CDS2: variants seen among roughly 807,000 people sequenced by gnomAD.
CDS2 encodes phosphatidate cytidylyltransferase 2.
In CDS2, 47 loss-of-function variants were observed where a neutral mutation model predicts 59.0. The ratio of observed to expected loss-of-function variants is 0.80; its 90% CI spans 0.63 to 1.02. CDS2 has a LOEUF of 1.02. Ranked by LOEUF, CDS2 falls within the 50% of genes least tolerant of loss-of-function variation. CDS2 has a pLI of 0.00. For synonymous variants in CDS2, 207 were observed against 206.4 expected (o/e 1.00, Z -0.02); for missense variants, 356 against 558.9 (o/e 0.64, Z 3.66).
intron 9 of CDS2, among the ~76,000 whole-genome samples, chr20:5,186,302 C>T (rs1249296104): frequency 6.6e-6 from 1 of 152,152 alleles, no homozygotes; most frequent in Non-Finnish European, 1.5e-5. Flanking sequence ...CTTGTTCCTC[C>T]TGAGATCTGC....
At chr20:5,146,511 C>T (rs530846551) in intron 1 of CDS2, among the ~76,000 whole-genome samples, 3 of 152,294 alleles carry the variant, frequency 2.0e-5, no homozygotes, top group South Asian at 2.1e-4. Context: ...GTGCTTCCCA[C>T]GGTGGCCCAG....
intron 1 of CDS2, among the ~76,000 whole-genome samples, chr20:5,147,673 G>A (rs373392541): frequency 4.9e-4 from 74 of 152,074 alleles, no homozygotes; most frequent in African/African-American, 1.6e-3. Flanking sequence ...CAAAGTGCTG[G>A]AATTACAGGT....
rs779812337 is a variant in CDS2 at position 5,183,158 on chromosome 20, T to C, written c.671+15T>C. The C allele has an allele frequency of 6.2e-7, 1 of 1,608,026 alleles. No homozygotes were observed. The highest frequency in any genetic ancestry group is 8.5e-7 in the Non-Finnish European group (1 of 1,174,544). ...GGAATGATCTGGTGAGAATTGGGAGTTGGATTTTCCCTTTTATTTTGTGAG... is the reference window on the plus strand; with the variant it reads ...GGAATGATCTGGTGAGAATTGGGAGCTGGATTTTCCCTTTTATTTTGTGAG... On this transcript the variant is annotated intron_variant, in intron 7 of 12. Coordinates refer to ENST00000460006, the MANE Select transcript of CDS2 (RefSeq NM_003818.4).
chr20:5,129,499 A>G (rs1200835853), intron 1 of CDS2, among the ~76,000 whole-genome samples: 1 of 149,690 alleles, frequency 6.7e-6, no homozygotes, highest in Admixed American at 6.7e-5. Flanking sequence ...CTGGAGTGCA[A>G]TGGCATGATG....
At chr20:5,139,480 A>G (rs1025459243) in intron 1 of CDS2, among the ~76,000 whole-genome samples, 2 of 152,202 alleles carry the variant, frequency 1.3e-5, no homozygotes, top group Non-Finnish European at 2.9e-5. Flanking sequence ...GTTTTTCTAT[A>G]TGTGAGACCA....
At chr20:5,189,291 A>G (rs2091094746) in intron 11 of CDS2, 105 bp downstream of exon 11, 1 of 1,300,608 alleles carries the variant, frequency 7.7e-7, no homozygotes, top group South Asian at 1.2e-5. Flanking sequence ...ACACCCTGGC[A>G]TTTAATGTGT....
chr20:5,181,995 G>A (rs1020452968), intron 5 of CDS2, among the ~76,000 whole-genome samples: 1 of 152,188 alleles, frequency 6.6e-6, no homozygotes, highest in African/African-American at 2.4e-5. Flanking sequence ...CTGCTGAGTT[G>A]TAGCTTGAAA....
rs2091119708 is a variant in CDS2 at position 5,192,081 on chromosome 20, C to G, written c.*1847C>G. 4 of 152,070 alleles carry G rather than the reference C, an allele frequency of 2.6e-5. No homozygotes were observed. The highest frequency in any genetic ancestry group is 9.7e-5 in the African/African-American group (4 of 41,392). 9.4% of individuals were successfully genotyped at this position (152,070 alleles called of 1,614,324 possible). A position where few individuals can be genotyped will look rare whatever the true frequency, so the allele number is the denominator to read the frequency against. On this transcript the variant is annotated 3_prime_UTR_variant, in exon 13 of 13. Transcript: ENST00000460006. ...GTGAGTAGGTATCTCAGCAGCACAC[C>G]CGAACAGTAAAGGTGATCAATAACG...
Position 5,127,096 on chromosome 20 carries a change from A to G in CDS2, c.4A>G (p.Thr2Ala), listed in dbSNP as rs1291234500. M[T>A]ELRQRVAHEP... ...ACGTCGGGCCGATTTTCCCAGGATG[A>G]CAGAGCTGAGGCAGAGGGTGGCCCA... Residue 2 changes from threonine (T) to alanine (A), a missense_variant, in exon 1 of 13, where the codon ACA becomes GCA. Physicochemically the swap from Thr to Ala is moderately conservative, Grantham distance 58. Transcript: ENST00000460006. 6.7e-7 allele frequency: 1 copy of G among 1,498,940 alleles called. No individual in the cohort carries two copies. The highest frequency in any genetic ancestry group is 8.9e-7 in the Non-Finnish European group (1 of 1,123,610). 92.9% of individuals were successfully genotyped at this position (1,498,940 alleles called of 1,614,324 possible).
Position 5,175,274 on chromosome 20 carries a change from A to C in CDS2, c.286A>C (p.Ile96Leu). 1 of 1,613,028 alleles carries C rather than the reference A, an allele frequency of 6.2e-7. No individual in the cohort carries two copies. Among genetic ancestry groups the C allele is most frequent in the South Asian group, 1.1e-5 (1 of 91,046 alleles). ...TTACCTGGGACCAATGGTTTTGATG[A>C]TAATCGTAAGTGCCATTTCACACTA... ...IIYLGPMVLM[I>L]IVMCVQIKCF... The change falls in exon 3 of 13, where the codon ATA becomes CTA. Residue 96 changes from isoleucine to leucine, a missense_variant. This residue lies in a region of CDS2 where 107 missense variants were observed against 129.7 expected (regional missense o/e 0.82). Transcript: ENST00000460006.
intron 1 of CDS2, among the ~76,000 whole-genome samples, chr20:5,144,020 T>C (rs1162349643): frequency 6.6e-6 from 1 of 152,054 alleles, no homozygotes; most frequent in Non-Finnish European, 1.5e-5. Context: ...CCACCTTGAC[T>C]TCTCAAACTG....
intron 1 of CDS2, among the ~76,000 whole-genome samples, chr20:5,138,635 A>G (rs1294946822): frequency 6.6e-6 from 1 of 151,446 alleles, no homozygotes; most frequent in Admixed American, 6.6e-5. Flanking sequence ...ACAGGCATGC[A>G]CCACCATGCC....
intron 1 of CDS2, among the ~76,000 whole-genome samples, chr20:5,138,524 C>A (rs1310785752): frequency 6.6e-6 from 1 of 151,786 alleles, no homozygotes; most frequent in Non-Finnish European, 1.5e-5. Context: ...TTGCTCTTGT[C>A]ACCCAGGCTG....
At chr20:5,189,930 C>T (rs2091100204) in intron 12 of CDS2, 92 bp downstream of exon 12, 2 of 1,354,280 alleles carry the variant, frequency 1.5e-6, no homozygotes, top group African/African-American at 1.4e-5. Context: ...CAGTGAAAAG[C>T]ATCCCAAATA....
In CDS2 at chr20:5,175,255, G is replaced by A; in HGVS notation, c.267G>A (p.Leu89=). Residue 89 remains leucine, a synonymous_variant, in exon 3 of 13, where the codon CTG becomes CTA. Transcript: ENST00000460006. Reference sequence around the variant, plus strand: ...CATTTTTCTTCATCATCATTTACCTGGGACCAATGGTTTTGATGATAATCG... The same window carrying A: ...CATTTTTCTTCATCATCATTTACCTAGGACCAATGGTTTTGATGATAATCG... ...MIAFFFIIIY[L]GPMVLMIIVM... 6.2e-7 allele frequency: 1 copy of A among 1,613,912 alleles called. No homozygotes were observed.
intron 1 of CDS2, among the ~76,000 whole-genome samples, chr20:5,169,951 G>A (rs185404073): frequency 2.0e-5 from 3 of 152,298 alleles, no homozygotes; most frequent in East Asian, 1.9e-4. Flanking sequence ...GCTTGTCTGG[G>A]GTGGGTGTTT....
chr20:5,149,638 G>A (rs2090772545), intron 1 of CDS2, among the ~76,000 whole-genome samples: 1 of 152,168 alleles, frequency 6.6e-6, no homozygotes, highest in Non-Finnish European at 1.5e-5. Flanking sequence ...CTGGGTTCAA[G>A]TGATCCTCCT....
At chr20:5,186,992 G>C (rs564451313) in intron 10 of CDS2, 153 bp downstream of exon 10, 1 of 739,316 alleles carries the variant, frequency 1.4e-6, no homozygotes, top group East Asian at 2.8e-5. Context: ...GCCAGGTCAG[G>C]GTATGGGCAG....
rs1327904232 is a variant in CDS2 at position 5,179,940 on chromosome 20, T to C, written c.529+984T>C. Among the ~76,000 whole-genome samples, 3 of 152,344 alleles carry C rather than the reference T, an allele frequency of 2.0e-5. No individual in the cohort carries two copies. In the East Asian group the frequency reaches 5.8e-4, roughly 29 times the overall value. ...CCTCAATGTCAATCTGACCTATTTT[T>C]GATCAGCTTGATAGCAATACTTCTG... On this transcript the variant is annotated intron_variant, in intron 5 of 12. Transcript: ENST00000460006.
Sources: gnomAD v4.1 joint callset for allele counts (sites outside exome capture counted in the v4.1 genomes callset) on GRCh38, gnomAD v4.1.1 for gene constraint, gnomAD v4.1.1 regional missense constraint, MANE v1.5 for transcripts, NCBI Gene and HGNC (gene_info 2026-07-23, HGNC 2026-07-21) for gene names.